The following PARG variants were observed in gnomAD, a reference collection of about 807,000 sequenced individuals.
PARG encodes the protein mitochondrial poly(ADP-ribose) glycohydrolase.
PARG carries 35 observed loss-of-function variants against 113.0 expected under a neutral mutation model. The observed-to-expected ratio is 0.31, with a 90% CI of 0.24 to 0.41. The LOEUF (loss-of-function observed/expected upper bound fraction) is 0.41, where lower values mean the gene tolerates loss of function less well. PARG is among the 10% of genes least tolerant of loss of function. The probability of loss-of-function intolerance (pLI) is 1.00; values close to 1 mark genes in which losing one functional copy is unlikely to be tolerated. For synonymous variants in PARG, 330 were observed against 409.9 expected (o/e 0.81, Z 2.36); for missense variants, 797 against 1,169.4 (o/e 0.68, Z 4.64).
At chr10:49,922,933 C>T (rs1351233784) in intron 4 of PARG, among the ~76,000 whole-genome samples, 2 of 152,148 alleles carry the variant, frequency 1.3e-5, no homozygotes, top group East Asian at 1.9e-4. Context: ...ATCCTTCTCC[C>T]TAACTCCAGC....
Position 49,941,943 on chromosome 10 carries a change from A to G in PARG, c.-218T>C. On this transcript the variant is annotated 5_prime_UTR_variant, in exon 1 of 18. Transcript: ENST00000616448. ...TTCCACTGGCACCCCACCTGCCTCA[A>G]TGCGCCGCTTTGATTCGGGATTCGT... 2 of 959,542 alleles carry G rather than the reference A, an allele frequency of 2.1e-6. No homozygotes were observed. The highest frequency in any genetic ancestry group is 3.3e-6 in the Non-Finnish European group (2 of 614,512). 59.4% of individuals were successfully genotyped at this position (959,542 alleles called of 1,614,324 possible). A position where few individuals can be genotyped will look rare whatever the true frequency, so the allele number is the denominator to read the frequency against.
chr10:49,892,230 G>GT (rs1342218554), intron 7 of PARG, among the ~76,000 whole-genome samples: 1 of 152,096 alleles, frequency 6.6e-6, no homozygotes, highest in African/African-American at 2.4e-5. Flanking sequence ...AAGGCAAAAT[G>GT]TTTTTTAAAA....
Position 49,874,781 on chromosome 10 carries a change from G to A in PARG, c.1988+4892C>T, listed in dbSNP as rs1846872327. On this transcript the variant is annotated intron_variant, in intron 9 of 17. Transcript: ENST00000616448. ...AGGCAGGAGATTGGTGTGAACCCGG[G>A]AGGTGGAGCTTGCAGTGAGCCGAGA... Among the ~76,000 whole-genome samples, 5 of 149,158 alleles carry A rather than the reference G, an allele frequency of 3.4e-5. No individual in the cohort carries two copies. The South Asian group carries it at 8.7e-4, about 26-fold the overall frequency.
intron 13 of PARG, among the ~76,000 whole-genome samples, chr10:49,844,913 C>T (rs1055655495): frequency 6.6e-6 from 1 of 152,138 alleles, no homozygotes; most frequent in Non-Finnish European, 1.5e-5. Flanking sequence ...AATAAAAACA[C>T]AACCCAATTT....
chr10:49,879,786 C>T lies in PARG; in HGVS notation c.1875G>A (p.Met625Ile), dbSNP rs1299816466. The change falls in exon 9 of 18, where the codon ATG becomes ATA. Residue 625 changes from methionine (M) to isoleucine (I), a missense_variant. Around this residue, in one of 5 missense-constraint regions of PARG, gnomAD observed 252 missense variants for 437.4 expected, o/e 0.58. Transcript: ENST00000616448. ...AAAGACTGGCAATCTGTTCCTGCGACATTGTGATGGAATGATTCATCTTCT... is the reference window on the plus strand; with the variant it reads ...AAAGACTGGCAATCTGTTCCTGCGATATTGTGATGGAATGATTCATCTTCT... Reference protein sequence around the residue: ...LKQKMNHSITMSQEQIASLLA... With the variant: ...LKQKMNHSITISQEQIASLLA... 3 of 1,286,632 alleles carry T rather than the reference C, an allele frequency of 2.3e-6. No individual in the cohort carries two copies. Among genetic ancestry groups the T allele is most frequent in the African/African-American group, 2.9e-5 (2 of 68,678 alleles). 79.7% of individuals were successfully genotyped at this position (1,286,632 alleles called of 1,614,324 possible).
intron 15 of PARG, among the ~76,000 whole-genome samples, chr10:49,838,298 G>GT: frequency 6.6e-6 from 1 of 152,016 alleles, no homozygotes; most frequent in East Asian, 1.9e-4. Flanking sequence ...GGGAGTAGTG[G>GT]TGCATGCCTG....
chr10:49,920,310 A>G (rs1554848787), intron 6 of PARG, among the ~76,000 whole-genome samples: 1 of 151,002 alleles, frequency 6.6e-6, no homozygotes, highest in Non-Finnish European at 1.5e-5. Context: ...TAGTCTGGGC[A>G]TGGTGGCACA....
intron 2 of PARG, among the ~76,000 whole-genome samples, chr10:49,934,576 G>C (rs1350057245): frequency 6.6e-6 from 1 of 152,092 alleles, no homozygotes; most frequent in Non-Finnish European, 1.5e-5. Flanking sequence ...CTGGCCGGGC[G>C]CAGTGGCTCA....
chr10:49,827,357 T>C lies in PARG; in HGVS notation c.2647+5446A>G, dbSNP rs10047404. On this transcript the variant is annotated intron_variant, in intron 16 of 17. Coordinates refer to ENST00000616448, the MANE Select transcript of PARG (RefSeq NM_003631.5). Reference sequence around the variant, plus strand: ...GGGATAGAAAAGAAAATGCAAAAAATGCAACAAGACACATTTTAATGATAG... The same window carrying C: ...GGGATAGAAAAGAAAATGCAAAAAACGCAACAAGACACATTTTAATGATAG... 1.2e-3 allele frequency among the ~76,000 whole-genome samples: 189 copies of C among 152,320 alleles called. 1 individual carries two copies. Among genetic ancestry groups the C allele is most frequent in the African/African-American group, 4.5e-3 (188 of 41,576 alleles).
At chr10:49,919,246 A>G (rs569041618) in intron 6 of PARG, among the ~76,000 whole-genome samples, 7 of 152,306 alleles carry the variant, frequency 4.6e-5, no homozygotes, top group Non-Finnish European at 7.4e-5. Flanking sequence ...TGGCCTCACT[A>G]TAATTATTCT....
At chr10:49,821,813 C>T (rs1196570999) in intron 16 of PARG, among the ~76,000 whole-genome samples, 5 of 151,758 alleles carry the variant, frequency 3.3e-5, no homozygotes, top group African/African-American at 7.3e-5. Context: ...AATAAATGAG[C>T]GTAATTTTAG....
intron 6 of PARG, 94 bp from the exon 7 acceptor site, chr10:49,916,085 T>G (rs1382826599): frequency 4.1e-6 from 3 of 727,850 alleles, no homozygotes; most frequent in Non-Finnish European, 7.5e-6. Context: ...CCAGTACATT[T>G]CATAATGTTA....
At chr10:49,836,307 CTTTTTTTTTTTTTTT>C (rs1168567519) in intron 15 of PARG, among the ~76,000 whole-genome samples, 9 of 48,004 alleles carry the variant, frequency 1.9e-4, no homozygotes, top group African/African-American at 3.1e-4. Flanking sequence ...TTTCTTACGA[CTTTTTTTTTTTTTTT>C]TTTTTTTTTT....
intron 7 of PARG, among the ~76,000 whole-genome samples, chr10:49,907,693 A>G (rs1554845321): frequency 1.3e-5 from 2 of 152,218 alleles, no homozygotes; most frequent in East Asian, 3.8e-4. Flanking sequence ...GAGTAGGAAC[A>G]TAAGAAGAAT....
At chr10:49,856,949 C>T (rs2813110) in intron 13 of PARG, among the ~76,000 whole-genome samples, 12 of 133,356 alleles carry the variant, frequency 9.0e-5, no homozygotes, top group African/African-American at 2.6e-4. Flanking sequence ...GAGGAGGTTT[C>T]GGTGAGCCGA....
rs1554909960 is a variant in PARG, at chr10:49,932,146, C to T, written c.1409G>A (p.Arg470Gln). 4.4e-6 allele frequency: 7 copies of T among 1,606,522 alleles called. No homozygotes were observed. The highest frequency in any genetic ancestry group is 1.3e-5 in the African/African-American group (1 of 74,920). Residue 470 changes from arginine to glutamine, a missense_variant, in exon 4 of 18, where the codon CGG (arginine) becomes CAG (glutamine). Coordinates refer to ENST00000616448, the MANE Select transcript of PARG (RefSeq NM_003631.5). Reference sequence around the variant, plus strand: ...GGCAGATGGTCTCAAGAGAGGCAGCCGGATCCCACACCGAGGCATTCTTCT... The same window carrying T: ...GGCAGATGGTCTCAAGAGAGGCAGCTGGATCCCACACCGAGGCATTCTTCT... The part of the protein sequence containing the change: ...EMRRMPRCGI[R>Q]LPLLRPSANH...
At chr10:49,904,759 T>C (rs1554844451) in intron 7 of PARG, among the ~76,000 whole-genome samples, 1 of 151,768 alleles carries the variant, frequency 6.6e-6, no homozygotes, top group African/African-American at 2.4e-5. Context: ...CTACTAAAAA[T>C]ATAAAAATTA....
At chr10:49,822,639 T>G (rs1554828846) in intron 16 of PARG, among the ~76,000 whole-genome samples, 1 of 152,132 alleles carries the variant, frequency 6.6e-6, no homozygotes, top group African/African-American at 2.4e-5. Context: ...ATGCCAAATC[T>G]AGGGAAAATT....
intron 13 of PARG, among the ~76,000 whole-genome samples, chr10:49,849,088 G>C (rs1475930850): frequency 6.6e-6 from 1 of 152,082 alleles, no homozygotes; most frequent in Admixed American, 6.5e-5. Flanking sequence ...CCAGCTACTA[G>C]GGAGGCTGAG....
Sources: allele counts gnomAD v4.1 joint callset (sites outside exome capture counted in the v4.1 genomes callset), GRCh38; gene constraint gnomAD v4.1.1; regional missense constraint gnomAD v4.1.1; transcripts MANE v1.5; gene names NCBI Gene and HGNC (gene_info 2026-07-23, HGNC 2026-07-21).